FGF12: variants seen among roughly 807,000 people sequenced by gnomAD.
The protein encoded by FGF12 is fibroblast growth factor 12B.
Under a neutral mutation model 23.6 loss-of-function variants are expected in FGF12, and 14 were observed. The ratio of observed to expected loss-of-function variants is 0.59; its 90% confidence interval spans 0.39 to 0.93. The LOEUF is 0.93. Ranked by LOEUF, FGF12 falls within the 40% of genes least tolerant of loss-of-function variation. The probability of loss-of-function intolerance (pLI) is 0.00; values close to 1 mark genes in which losing one functional copy is unlikely to be tolerated. For synonymous variants in FGF12, 62 were observed against 77.3 expected, an observed-to-expected ratio of 0.80 and a Z score of 1.04; for missense variants, 175 against 217.8, an observed-to-expected ratio of 0.80 and a Z score of 1.24.
At chr3:192,604,603 A>T (rs1386479381) in intron 2 of FGF12, among the ~76,000 whole-genome samples, 1 of 152,190 alleles carries the variant, frequency 6.6e-6, no homozygotes, top group African/African-American at 2.4e-5. Context: ...GACTGGAAGA[A>T]TCAATATTGT....
chr3:192,303,352 A>G (rs1342758550), intron 4 of FGF12, among the ~76,000 whole-genome samples: 1 of 152,134 alleles, frequency 6.6e-6, no homozygotes, highest in African/African-American at 2.4e-5. Context: ...TTTTCTAGCT[A>G]ATGTCAACCT....
chr3:192,223,615 C>A (rs188268879), intron 4 of FGF12, among the ~76,000 whole-genome samples: 8 of 152,118 alleles, frequency 5.3e-5, no homozygotes, highest in African/African-American at 1.9e-4. Flanking sequence ...AAATTATTCA[C>A]GGTATCTCAT....
At chr3:192,390,362 C>A (rs188033154) in intron 2 of FGF12, among the ~76,000 whole-genome samples, 2 of 152,134 alleles carry the variant, frequency 1.3e-5, no homozygotes, top group African/African-American at 4.8e-5. Flanking sequence ...TAAGATCTCA[C>A]CAAAGTACAG....
intron 4 of FGF12, among the ~76,000 whole-genome samples, chr3:192,322,535 C>A (rs1377839615): frequency 1.3e-5 from 2 of 151,560 alleles, no homozygotes; most frequent in Non-Finnish European, 2.9e-5. Flanking sequence ...CCAGAATGGC[C>A]AAAGCTATCC....
At chr3:192,718,138 T>C (rs1718918675) in intron 2 of FGF12, among the ~76,000 whole-genome samples, 1 of 151,576 alleles carries the variant, frequency 6.6e-6, no homozygotes, top group African/African-American at 2.4e-5. Context: ...CTTGGACTGT[T>C]TGTCATTATT....
intron 2 of FGF12, among the ~76,000 whole-genome samples, chr3:192,536,022 C>T (rs1725214797): frequency 1.3e-5 from 2 of 152,118 alleles, no homozygotes; most frequent in Admixed American, 6.5e-5. Flanking sequence ...ACATTATGTC[C>T]TAATACAATA....
rs1483622294 is a variant in FGF12, at chr3:192,494,712, C to T, written c.14-134174G>A. Among the ~76,000 whole-genome samples, 12 of 152,118 alleles carry T rather than the reference C, an allele frequency of 7.9e-5. No homozygotes were observed. The East Asian group carries it at 2.3e-3, about 29-fold the overall frequency. ...CTGTATCATGCATTCTATTCCTTCT[C>T]TCATTTGTGATTTATTTAATATGTG... On this transcript the variant is annotated intron_variant, in intron 2 of 5. Coordinates refer to ENST00000445105, the MANE Select transcript of FGF12 (RefSeq NM_004113.6).
At chr3:192,403,488 A>G (rs546207324) in intron 2 of FGF12, among the ~76,000 whole-genome samples, 5 of 151,994 alleles carry the variant, frequency 3.3e-5, no homozygotes, top group East Asian at 3.9e-4. Flanking sequence ...TTTTAAAAAC[A>G]TGTTCAAAAT....
At chr3:192,317,548 G>C (rs1716293946) in intron 4 of FGF12, among the ~76,000 whole-genome samples, 1 of 152,044 alleles carries the variant, frequency 6.6e-6, no homozygotes, top group African/African-American at 2.4e-5. Flanking sequence ...TGCAGCTTGG[G>C]TGCTAGCTCA....
At chr3:192,157,754 T>C (rs748668303) in intron 5 of FGF12, among the ~76,000 whole-genome samples, 2 of 152,226 alleles carry the variant, frequency 1.3e-5, no homozygotes, top group Non-Finnish European at 2.9e-5. Context: ...TGCTGTTATT[T>C]ATAAAGCACA....
chr3:192,194,455 C>A (rs985718970), intron 4 of FGF12, among the ~76,000 whole-genome samples: 1 of 152,176 alleles, frequency 6.6e-6, no homozygotes, highest in Non-Finnish European at 1.5e-5. Context: ...CTAATTGACA[C>A]TGATAATACC....
Position 192,711,427 on chromosome 3 carries a change from G to A in FGF12, c.13+15754C>T, listed in dbSNP as rs540039563. On this transcript the variant is annotated intron_variant, in intron 2 of 5. Transcript: ENST00000445105. Reference sequence around the variant, plus strand: ...AAGTGAGGAGCCCCTCTGCCCGGCCGCCACCCCGTCTGGGAGGTGTACCCA... The same window carrying A: ...AAGTGAGGAGCCCCTCTGCCCGGCCACCACCCCGTCTGGGAGGTGTACCCA... Among the ~76,000 whole-genome samples the A allele has an allele frequency of 1.0e-3, 152 of 151,766 alleles. 3 individuals carry two copies. The highest frequency in any genetic ancestry group is 2.8e-3 in the African/African-American group (115 of 41,522).
chr3:192,387,050 G>A (rs1720075746), intron 2 of FGF12, among the ~76,000 whole-genome samples: 1 of 152,160 alleles, frequency 6.6e-6, no homozygotes, highest in Non-Finnish European at 1.5e-5. Flanking sequence ...AGGGGCAATT[G>A]CTAGCATGGC....
At chr3:192,604,755 C>T (rs189404494) in intron 2 of FGF12, among the ~76,000 whole-genome samples, 3 of 152,232 alleles carry the variant, frequency 2.0e-5, no homozygotes, top group African/African-American at 7.2e-5. Flanking sequence ...CAAAAACAAT[C>T]CTAAGCAAAA....
chr3:192,555,981 G>T (rs1711754831), intron 2 of FGF12, among the ~76,000 whole-genome samples: 1 of 151,804 alleles, frequency 6.6e-6, no homozygotes, highest in Non-Finnish European at 1.5e-5. Context: ...TAAGCCCTTT[G>T]GTAAACACAA....
intron 2 of FGF12, among the ~76,000 whole-genome samples, chr3:192,538,703 G>T (rs1312807098): frequency 1.3e-5 from 2 of 152,126 alleles, no homozygotes; most frequent in African/African-American, 2.4e-5. Flanking sequence ...TGAAGGACTT[G>T]CATGGAGTCT....
intron 2 of FGF12, among the ~76,000 whole-genome samples, chr3:192,470,061 C>A (rs940219168): frequency 6.6e-6 from 1 of 152,178 alleles, no homozygotes; most frequent in African/African-American, 2.4e-5. Flanking sequence ...ATGTGTGATG[C>A]GCTGGAGAGT....
At chr3:192,640,790 C>CTTTTT (rs34132622) in intron 2 of FGF12, among the ~76,000 whole-genome samples, 4 of 122,136 alleles carry the variant, frequency 3.3e-5, no homozygotes, top group South Asian at 3.1e-4. Flanking sequence ...GTTAAAACCC[C>CTTTTT]TTTTTTTTGT....
At chr3:192,700,133 A>C (rs2108729046) in intron 2 of FGF12, among the ~76,000 whole-genome samples, 1 of 152,266 alleles carries the variant, frequency 6.6e-6, no homozygotes, top group Middle Eastern at 3.4e-3. Context: ...TTTCAGGTTA[A>C]GCAACGTCAG....
Sources: gnomAD v4.1 joint callset for allele counts (sites outside exome capture counted in the v4.1 genomes callset) on GRCh38, gnomAD v4.1.1 for gene constraint, MANE v1.5 for transcripts, NCBI Gene and HGNC (gene_info 2026-07-23, HGNC 2026-07-21) for gene names.